The following ADRA1B variants were observed in gnomAD, a reference collection of about 807,000 sequenced individuals.
ADRA1B encodes the protein adrenoceptor alpha 1B.
A neutral mutation model predicts 17.9 loss-of-function variants in ADRA1B; 17 were observed. The ratio of observed to expected loss-of-function variants is 0.95; its 90% CI spans 0.65 to 1.42. The LOEUF (loss-of-function observed/expected upper bound fraction) is 1.42, where lower values mean the gene tolerates loss of function less well. Ranked by LOEUF, ADRA1B falls within the 40% of genes most tolerant of loss-of-function variation. The probability of loss-of-function intolerance (pLI) is 0.00; values close to 1 mark genes in which losing one functional copy is unlikely to be tolerated. For missense variants in ADRA1B, 681 were observed against 722.1 expected, an observed-to-expected ratio of 0.94 and a Z score of 0.65; for synonymous variants, 366 against 327.6, an observed-to-expected ratio of 1.12 and a Z score of -1.27.
chr5:159,976,321 C>G (rs1581077045), downstream of ADRA1B, among the ~76,000 whole-genome samples: 2 of 152,112 alleles, frequency 1.3e-5, no homozygotes, highest in South Asian at 4.2e-4. Context: ...GACTTAGGGT[C>G]CACCGTGAAG....
At chr5:159,884,055 G>A (rs944622572) in intron 1 of ADRA1B, among the ~76,000 whole-genome samples, 15 of 152,096 alleles carry the variant, frequency 9.9e-5, no homozygotes, top group Non-Finnish European at 2.1e-4. Context: ...AGTGGTCTGT[G>A]GCATCGTCTC....
intron 1 of ADRA1B, chr5:159,948,091 A>G (rs1755327331): frequency 9.1e-6 from 9 of 985,460 alleles, no homozygotes; most frequent in East Asian, 1.1e-4. Flanking sequence ...ACCGATTTTC[A>G]TAGCTGAAAG....
At chr5:159,965,796 A>C (rs1755765503) in intron 1 of ADRA1B, among the ~76,000 whole-genome samples, 1 of 152,142 alleles carries the variant, frequency 6.6e-6, no homozygotes, top group Non-Finnish European at 1.5e-5. Context: ...GGGATGGGCA[A>C]GGCTTTGGTC....
rs80332812 is a variant in ADRA1B at position 159,933,993 on chromosome 5, G to A, written c.949+16139G>A. Among the ~76,000 whole-genome samples, 736 of 152,322 alleles carry A rather than the reference G, an allele frequency of 4.8e-3. 10 individuals carry two copies. The highest frequency in any genetic ancestry group is 0.017 in the African/African-American group (707 of 41,568). ...CAGCGTATATTTAGATCAGGGCATGGCAAATGCACCACATTTTAGTTGCAA... is the reference window on the plus strand; with the variant it reads ...CAGCGTATATTTAGATCAGGGCATGACAAATGCACCACATTTTAGTTGCAA... On this transcript the variant is annotated intron_variant, in intron 1 of 1. Coordinates refer to ENST00000306675, the MANE Select transcript of ADRA1B (RefSeq NM_000679.4).
At position 159,917,640 on chromosome 5, in the gene ADRA1B, G is replaced by A; in HGVS notation, c.735G>A (p.Met245Ile). The A allele has an allele frequency of 6.2e-7, 1 of 1,614,024 alleles. No homozygotes were observed. The highest frequency in any genetic ancestry group is 2.2e-5 in the East Asian group (1 of 44,874). The change falls in exon 1 of 2, where the codon ATG becomes ATA. Residue 245 changes from methionine to isoleucine, a missense_variant. By Grantham distance (10) the Met-to-Ile change is conservative. Transcript: ENST00000306675. ...TAGAGGCAGGAGTCATGAAGGAGATGTCCAACTCCAAGGAGCTGACCCTGA... is the reference window on the plus strand; with the variant it reads ...TAGAGGCAGGAGTCATGAAGGAGATATCCAACTCCAAGGAGCTGACCCTGA... ...KNLEAGVMKE[M>I]SNSKELTLRI...
rs1489591708 is a variant in ADRA1B at position 159,972,336 on chromosome 5, C to A, written c.1407C>A (p.Asp469Glu). 1.4e-5 allele frequency: 21 copies of A among 1,465,684 alleles called. No individual in the cohort carries two copies. Among genetic ancestry groups the A allele is most frequent in the Non-Finnish European group, 1.9e-5 (21 of 1,115,172 alleles). 90.8% of individuals were successfully genotyped at this position (1,465,684 alleles called of 1,614,324 possible). ...PEPPGRRGRH[D>E]SGPLFTFKLL... ...CCCCCGGCCGCCGCGGCCGCCACGA[C>A]TCGGGCCCGCTCTTCACCTTCAAGC... is the stretch of plus-strand genomic sequence containing the variant. Residue 469 changes from aspartate (D) to glutamate (E), a missense_variant, in exon 2 of 2, where the codon GAC becomes GAA. By Grantham distance (45) the Asp-to-Glu change is conservative. Around this residue, in one of 3 missense-constraint regions of ADRA1B, gnomAD observed 251 missense variants for 224.9 expected, o/e 1.12. Transcript: ENST00000306675.
intron 1 of ADRA1B, among the ~76,000 whole-genome samples, chr5:159,891,296 A>C (rs9313830): frequency 0.089 from 13,479 of 152,230 alleles, 696 homozygotes; most frequent in African/African-American, 0.14. Context: ...TTTCTGATGA[A>C]AAACGTAAAT....
At chr5:159,936,097 A>G (rs1439374230) in intron 1 of ADRA1B, among the ~76,000 whole-genome samples, 2 of 152,262 alleles carry the variant, frequency 1.3e-5, no homozygotes, top group Non-Finnish European at 2.9e-5. Flanking sequence ...CTCAACCAAC[A>G]GCAATTTTTC....
At chr5:159,923,018 G>A (rs539278415) in intron 1 of ADRA1B, among the ~76,000 whole-genome samples, 3 of 152,368 alleles carry the variant, frequency 2.0e-5, no homozygotes, top group South Asian at 4.1e-4. Context: ...AACCCTCAAC[G>A]GTTTGGAGAA....
rs1266098834 is a variant in ADRA1B, at chr5:159,916,877, C to A, written c.-29C>A. On this transcript the variant is annotated 5_prime_UTR_variant, in exon 1 of 2. Transcript: ENST00000306675. ...CCGCAGCCCTTCCGAGCCCAATCAT[C>A]CCCCTGGCTATGGAGGGCGGACTCT... 2 of 1,572,436 alleles carry A rather than the reference C, an allele frequency of 1.3e-6. No homozygotes were observed. Among genetic ancestry groups the A allele is most frequent in the Non-Finnish European group, 1.7e-6 (2 of 1,156,374 alleles).
At chr5:159,899,256 A>G (rs1277414724) in intron 1 of ADRA1B, among the ~76,000 whole-genome samples, 1 of 144,724 alleles carries the variant, frequency 6.9e-6, no homozygotes. Context: ...GGAAGGAAGG[A>G]AGGAAGAAAG....
chr5:159,931,820 T>G (rs1581044172), intron 1 of ADRA1B, among the ~76,000 whole-genome samples: 1 of 152,196 alleles, frequency 6.6e-6, no homozygotes, highest in African/African-American at 2.4e-5. Context: ...GAATGCCTCT[T>G]TTATAAGTAC....
intron 1 of ADRA1B, among the ~76,000 whole-genome samples, chr5:159,886,771 G>T (rs901231224): frequency 6.6e-6 from 1 of 152,046 alleles, no homozygotes; most frequent in Non-Finnish European, 1.5e-5. Flanking sequence ...TAATTAAGCA[G>T]ATACGGATCT....
intron 1 of ADRA1B, among the ~76,000 whole-genome samples, chr5:159,891,593 G>A (rs954449911): frequency 1.3e-5 from 2 of 152,120 alleles, no homozygotes; most frequent in East Asian, 1.9e-4. Context: ...TGCAGGAGCT[G>A]GACGACTTGG....
chr5:159,938,048 T>G (rs556296550), intron 1 of ADRA1B, among the ~76,000 whole-genome samples: 4 of 152,346 alleles, frequency 2.6e-5, no homozygotes, highest in African/African-American at 9.6e-5. Flanking sequence ...GACTCTTCTC[T>G]TCTTATTATC....
At chr5:159,882,279 C>T (rs1258596849) in intron 1 of ADRA1B, among the ~76,000 whole-genome samples, 1 of 152,142 alleles carries the variant, frequency 6.6e-6, no homozygotes, top group Non-Finnish European at 1.5e-5. Context: ...CCAGAAGAAC[C>T]TCAAGGACCA....
the ADRA1B span, among the ~76,000 whole-genome samples, chr5:159,978,703 CT>C: frequency 6.6e-6 from 1 of 152,206 alleles, no homozygotes; most frequent in African/African-American, 2.4e-5. Flanking sequence ...AGCTTTGGCC[CT>C]TGCTCATGGC....
chr5:159,902,901 G>T (rs987824438), intron 1 of ADRA1B, among the ~76,000 whole-genome samples: 1 of 152,180 alleles, frequency 6.6e-6, no homozygotes, highest in African/African-American at 2.4e-5. Flanking sequence ...TGCCTCTGGC[G>T]TGTGTCTATT....
intron 1 of ADRA1B, among the ~76,000 whole-genome samples, chr5:159,932,450 G>A (rs775544552): frequency 6.6e-5 from 10 of 152,080 alleles, no homozygotes; most frequent in African/African-American, 2.2e-4. Flanking sequence ...GAGCCACCCC[G>A]CTCAGCCTTT....
Sources: allele counts gnomAD v4.1 joint callset (sites outside exome capture counted in the v4.1 genomes callset), GRCh38; gene constraint gnomAD v4.1.1; regional missense constraint gnomAD v4.1.1; transcripts MANE v1.5; gene names NCBI Gene and HGNC (gene_info 2026-07-23, HGNC 2026-07-21).